The following COMMD1 variants were observed in gnomAD, a reference collection of about 807,000 sequenced individuals.
COMMD1 encodes COMM domain-containing protein 1.
COMMD1 carries 10 observed loss-of-function variants against 17.2 expected under a neutral mutation model. The observed-to-expected ratio is 0.58, with a 90% CI of 0.36 to 0.99. The LOEUF (loss-of-function observed/expected upper bound fraction) is 0.99, where lower values mean the gene tolerates loss of function less well. Ranked by LOEUF, COMMD1 falls within the 50% of genes least tolerant of loss-of-function variation. The pLI, the probability that COMMD1 is intolerant of heterozygous loss-of-function variation, is 0.01. For missense variants in COMMD1, 270 were observed against 231.8 expected (o/e 1.17, Z -1.07); for synonymous variants, 97 against 91.6 (o/e 1.06, Z -0.34).
intron 1 of COMMD1, among the ~76,000 whole-genome samples, chr2:61,942,921 C>G (rs1223328536): frequency 6.6e-6 from 1 of 151,916 alleles, no homozygotes; most frequent in African/African-American, 2.4e-5. Flanking sequence ...GTACATATAC[C>G]TAAACACATA....
At chr2:61,990,903 T>TACACACACACACACACACAC (rs34009777) in intron 1 of COMMD1, among the ~76,000 whole-genome samples, 25 of 116,164 alleles carry the variant, frequency 2.2e-4, no homozygotes, top group African/African-American at 5.5e-4. Flanking sequence ...TATATATATA[T>TACACACACACACACACACAC]ACACACACAC....
intron 1 of COMMD1, among the ~76,000 whole-genome samples, chr2:61,910,386 T>G (rs1572952164): frequency 6.6e-6 from 1 of 151,838 alleles, no homozygotes; most frequent in South Asian, 2.1e-4. Flanking sequence ...TAGCTGGGAT[T>G]ACAGACACCC....
intron 1 of COMMD1, among the ~76,000 whole-genome samples, chr2:61,978,233 C>G (rs1272405827): frequency 6.6e-6 from 1 of 152,158 alleles, no homozygotes; most frequent in African/African-American, 2.4e-5. Context: ...AAATACTACT[C>G]TAATAAACTA....
At chr2:61,985,094 A>C (rs1278023561) in intron 1 of COMMD1, among the ~76,000 whole-genome samples, 5 of 144,858 alleles carry the variant, frequency 3.5e-5, no homozygotes, top group Admixed American at 7.2e-5. Context: ...TCTGTCGCCC[A>C]GGCTGGAGTG....
At chr2:61,950,599 C>G (rs1254378184) in intron 1 of COMMD1, among the ~76,000 whole-genome samples, 1 of 152,190 alleles carries the variant, frequency 6.6e-6, no homozygotes, top group African/African-American at 2.4e-5. Flanking sequence ...TTAAAGGAAG[C>G]ACTTTATGGC....
chr2:62,046,434 T>C (rs1305623669), intron 2 of COMMD1, among the ~76,000 whole-genome samples: 1 of 152,126 alleles, frequency 6.6e-6, no homozygotes, highest in Non-Finnish European at 1.5e-5. Flanking sequence ...AACAAAAGAG[T>C]TCATGAAATC....
intron 2 of COMMD1, among the ~76,000 whole-genome samples, chr2:62,102,995 T>C (rs992134867): frequency 4.6e-5 from 7 of 151,606 alleles, no homozygotes; most frequent in Non-Finnish European, 7.4e-5. Context: ...TTTTTTTTTT[T>C]TGAGACGGAG....
intron 1 of COMMD1, among the ~76,000 whole-genome samples, chr2:61,948,904 G>C (rs1421679501): frequency 1.3e-5 from 2 of 152,180 alleles, no homozygotes; most frequent in African/African-American, 4.8e-5. Flanking sequence ...ACAGGGACTT[G>C]AGGAGGTGGA....
At chr2:61,913,796 CAAAAAAAAAA>C (rs1164297104) in intron 1 of COMMD1, among the ~76,000 whole-genome samples, 3 of 14,504 alleles carry the variant, frequency 2.1e-4, no homozygotes, top group African/African-American at 3.4e-4. Context: ...ACTCCATCTC[CAAAAAAAAAA>C]AAAAAAAAAA....
At chr2:62,039,987 G>C (rs138176720) in intron 2 of COMMD1, among the ~76,000 whole-genome samples, 4 of 152,236 alleles carry the variant, frequency 2.6e-5, no homozygotes, top group African/African-American at 9.6e-5. Context: ...TGGGCACGGT[G>C]GCTTATGCCT....
At chr2:62,130,986 G>C (rs1673014580) in intron 2 of COMMD1, among the ~76,000 whole-genome samples, 1 of 152,238 alleles carries the variant, frequency 6.6e-6, no homozygotes, top group Admixed American at 6.5e-5. Context: ...CCTGAGGAGT[G>C]TTGAGTGGTT....
intron 2 of COMMD1, among the ~76,000 whole-genome samples, chr2:62,077,259 GTT>G (rs1458629610): frequency 3.3e-5 from 5 of 152,164 alleles, no homozygotes; most frequent in Non-Finnish European, 5.9e-5. Context: ...AGTATTTATT[GTT>G]CCAATTTATA....
At chr2:62,093,564 T>TA (rs1671904940) in intron 2 of COMMD1, among the ~76,000 whole-genome samples, 1 of 152,130 alleles carries the variant, frequency 6.6e-6, no homozygotes, top group South Asian at 2.1e-4. Flanking sequence ...ACTGATATTG[T>TA]AAAAAAATGT....
At chr2:62,090,037 A>T (rs1671781664) in intron 2 of COMMD1, among the ~76,000 whole-genome samples, 1 of 152,060 alleles carries the variant, frequency 6.6e-6, no homozygotes, top group Non-Finnish European at 1.5e-5. Flanking sequence ...GTCTAACCTG[A>T]TGTAATAGCC....
chr2:61,893,349 G>C (rs945443595), intron 1 of COMMD1, among the ~76,000 whole-genome samples: 5 of 151,716 alleles, frequency 3.3e-5, no homozygotes, highest in Non-Finnish European at 5.9e-5. Flanking sequence ...GTTGGCAATA[G>C]TAAAAAATAA....
At chr2:62,011,308 C>G (rs976845170) in intron 2 of COMMD1, among the ~76,000 whole-genome samples, 1 of 152,210 alleles carries the variant, frequency 6.6e-6, no homozygotes, top group African/African-American at 2.4e-5. Flanking sequence ...CCAGTACAGT[C>G]AAGAACCAGA....
chr2:62,067,140 G>A (rs1434901410), intron 2 of COMMD1, among the ~76,000 whole-genome samples: 5 of 151,810 alleles, frequency 3.3e-5, no homozygotes, highest in South Asian at 2.1e-4. Flanking sequence ...CAGGAGAATC[G>A]CTTGAACCCG....
intron 2 of COMMD1, among the ~76,000 whole-genome samples, chr2:62,046,715 T>C (rs2103908652): frequency 6.6e-6 from 1 of 152,368 alleles, no homozygotes; most frequent in South Asian, 2.1e-4. Context: ...GATGGCAGTT[T>C]TGAGGAAAGA....
At chr2:61,965,558 C>T (rs550485367) in intron 1 of COMMD1, among the ~76,000 whole-genome samples, 3 of 152,328 alleles carry the variant, frequency 2.0e-5, no homozygotes, top group South Asian at 2.1e-4. Context: ...AGTAAAAATT[C>T]GGTGATCACG....
Sources: allele counts gnomAD v4.1 joint callset (sites outside exome capture counted in the v4.1 genomes callset), GRCh38; gene constraint gnomAD v4.1.1; transcripts MANE v1.5; gene names NCBI Gene and HGNC (gene_info 2026-07-23, HGNC 2026-07-21).